PARD3: variants seen among roughly 807,000 people sequenced by gnomAD.
The protein encoded by PARD3 is partitioning defective 3 homolog.
Under a neutral mutation model 155.4 loss-of-function variants are expected in PARD3, and 75 were observed. That is an observed-to-expected ratio of 0.48 (90% CI 0.40 to 0.58). PARD3 has a LOEUF of 0.58. Among genes scored for constraint, PARD3 ranks in the 20% least tolerant of loss-of-function variants. The pLI is 0.00. For missense variants in PARD3, 1,642 were observed against 1,721.7 expected, an observed-to-expected ratio of 0.95 and a Z score of 0.82; for synonymous variants, 576 against 610.5, an observed-to-expected ratio of 0.94 and a Z score of 0.83.
At chr10:34,441,899 G>T (rs911304405) in intron 5 of PARD3, among the ~76,000 whole-genome samples, 1 of 152,072 alleles carries the variant, frequency 6.6e-6, no homozygotes, top group African/African-American at 2.4e-5. Context: ...TCTCTTAAAA[G>T]GTTGTTTTGG....
intron 22 of PARD3, among the ~76,000 whole-genome samples, chr10:34,151,598 C>G (rs532775012): frequency 6.6e-6 from 1 of 152,082 alleles, no homozygotes; most frequent in African/African-American, 2.4e-5. Context: ...AATCCATAAA[C>G]GACACATTGT....
intron 21 of PARD3, among the ~76,000 whole-genome samples, chr10:34,278,591 T>C (rs1271222336): frequency 6.6e-6 from 1 of 152,062 alleles, no homozygotes; most frequent in African/African-American, 2.4e-5. Flanking sequence ...CAAAATCTGA[T>C]GGTTTTATAA....
At chr10:34,174,103 T>C (rs1297865138) in intron 22 of PARD3, among the ~76,000 whole-genome samples, 1 of 152,198 alleles carries the variant, frequency 6.6e-6, no homozygotes, top group Admixed American at 6.5e-5. Flanking sequence ...GTGTCAGGGA[T>C]GTCACCAAGC....
At chr10:34,797,079 A>T (rs1465721115) in intron 1 of PARD3, among the ~76,000 whole-genome samples, 1 of 152,252 alleles carries the variant, frequency 6.6e-6, no homozygotes, top group Non-Finnish European at 1.5e-5. Flanking sequence ...CCAGGAGCTT[A>T]TATTTGCCAA....
At chr10:34,621,087 G>A (rs1351264670) in intron 2 of PARD3, among the ~76,000 whole-genome samples, 1 of 152,244 alleles carries the variant, frequency 6.6e-6, no homozygotes, top group African/African-American at 2.4e-5. Flanking sequence ...AGAGATGGCA[G>A]GAGATGCCAG....
In PARD3 at chr10:34,113,622, T is replaced by C. The variant is rs557186921; in HGVS notation, c.3669-2060A>G. Among the ~76,000 whole-genome samples, 293 of 151,856 alleles carry C rather than the reference T, an allele frequency of 1.9e-3. 2 individuals are homozygous for C. Among genetic ancestry groups the C allele is most frequent in the African/African-American group, 6.7e-3 (277 of 41,384 alleles). On this transcript the variant is annotated intron_variant, in intron 24 of 24. Transcript: ENST00000374788. ...AAGGAGAGAATGAGAAATGGGCCAA[T>C]TGTAGAGACCAAGGGAAGGAAACAG... is the stretch of plus-strand genomic sequence containing the variant.
intron 23 of PARD3, among the ~76,000 whole-genome samples, 168 bp downstream of exon 23, chr10:34,131,295 G>C (rs923853047): frequency 6.6e-6 from 1 of 152,196 alleles, no homozygotes; most frequent in African/African-American, 2.4e-5. Flanking sequence ...AATGAAATTA[G>C]CAATGATGAA....
chr10:34,234,213 A>G (rs1387777743), intron 22 of PARD3, among the ~76,000 whole-genome samples: 1 of 152,166 alleles, frequency 6.6e-6, no homozygotes, highest in African/African-American at 2.4e-5. Context: ...TTTGTAATCA[A>G]TTTGTGATAT....
chr10:34,529,419 A>C (rs1014137394), intron 2 of PARD3, among the ~76,000 whole-genome samples: 2 of 152,196 alleles, frequency 1.3e-5, no homozygotes, highest in African/African-American at 4.8e-5. Flanking sequence ...AGTACTCAAC[A>C]CCACAAGGAG....
At position 34,794,708 on chromosome 10, in the gene PARD3, A is replaced by T. The variant is rs73259202; in HGVS notation, c.120+20168T>A. Among the ~76,000 whole-genome samples the T allele has an allele frequency of 3.4e-3, 519 of 152,370 alleles. 1 individual carries two copies. Among genetic ancestry groups the T allele is most frequent in the African/African-American group, 0.012 (495 of 41,598 alleles). ...ATCTCTTTCTACCACATAGCCTGGG[A>T]AAGTTGTTAGATCTTTGGGCTCATG... On this transcript the variant is annotated intron_variant, in intron 1 of 24. Transcript: ENST00000374788.
Position 34,317,255 on chromosome 10 carries a change from T to C in PARD3, c.2917A>G (p.Arg973Gly). The change falls in exon 20 of 25, where the codon AGA becomes GGA. Residue 973 changes from arginine (R) to glycine (G), a missense_variant. Around this residue, in one of 3 missense-constraint regions of PARD3, gnomAD observed 1,529 missense variants for 1,587.3 expected, o/e 0.96. Coordinates refer to ENST00000374788, the MANE Select transcript of PARD3 (RefSeq NM_001184785.2). The part of the protein sequence containing the change: ...ASDQPSHSLE[R>G]QMNGNQEKGD... ...TTCTCTTGGTTTCCATTCATTTGTC[T>C]CTCCAGAGAGTGGGAAGGCTGATCA... is the stretch of plus-strand genomic sequence containing the variant. 2 of 1,613,848 alleles carry C rather than the reference T, an allele frequency of 1.2e-6. No homozygotes were observed. The highest frequency in any genetic ancestry group is 1.7e-6 in the Non-Finnish European group (2 of 1,179,990).
At chr10:34,422,055 C>A (rs2075341918) in intron 5 of PARD3, among the ~76,000 whole-genome samples, 1 of 152,106 alleles carries the variant, frequency 6.6e-6, no homozygotes, top group African/African-American at 2.4e-5. Context: ...AAGGAAGGAA[C>A]AGATTTCACA....
At chr10:34,727,337 C>T (rs1006521967) in intron 1 of PARD3, among the ~76,000 whole-genome samples, 48 of 152,200 alleles carry the variant, frequency 3.2e-4, no homozygotes, top group Non-Finnish European at 2.9e-5. Context: ...CACGTTCCCA[C>T]GTTTTATGCA....
intron 2 of PARD3, among the ~76,000 whole-genome samples, chr10:34,669,568 T>G (rs976027869): frequency 7.2e-5 from 11 of 152,136 alleles, no homozygotes; most frequent in Admixed American, 5.9e-4. Context: ...GAAACTGCAC[T>G]TGTATTCCTT....
intron 4 of PARD3, among the ~76,000 whole-genome samples, chr10:34,454,485 G>A (rs576975079): frequency 1.9e-4 from 29 of 151,824 alleles, no homozygotes; most frequent in African/African-American, 6.8e-4. Flanking sequence ...GACTATATAT[G>A]CTCACTTATG....
intron 22 of PARD3, among the ~76,000 whole-genome samples, chr10:34,227,856 T>TATATA (rs1554814034): frequency 0.1 from 8,234 of 82,120 alleles, 713 homozygotes; most frequent in Middle Eastern, 0.13. Context: ...GAATTATTTT[T>TATATA]TATATATATA....
chr10:34,150,818 T>C (rs1334762209), intron 22 of PARD3, among the ~76,000 whole-genome samples: 1 of 152,184 alleles, frequency 6.6e-6, no homozygotes, highest in Non-Finnish European at 1.5e-5. Context: ...TTGTTTAAAT[T>C]CATAAAATAT....
chr10:34,696,889 T>C (rs149578029), intron 1 of PARD3, among the ~76,000 whole-genome samples: 1 of 152,124 alleles, frequency 6.6e-6, no homozygotes, highest in African/African-American at 2.4e-5. Context: ...CTCCAAGTGT[T>C]TCTTACAAAT....
At chr10:34,332,613 A>C (rs1204579259) in intron 18 of PARD3, among the ~76,000 whole-genome samples, 1 of 152,196 alleles carries the variant, frequency 6.6e-6, no homozygotes, top group African/African-American at 2.4e-5. Flanking sequence ...CACTGATGTT[A>C]AATGAAGCTA....
Sources: allele counts gnomAD v4.1 joint callset (sites outside exome capture counted in the v4.1 genomes callset), GRCh38; gene constraint gnomAD v4.1.1; regional missense constraint gnomAD v4.1.1; transcripts MANE v1.5; gene names NCBI Gene and HGNC (gene_info 2026-07-23, HGNC 2026-07-21).